SYNDIG1L: variants seen among roughly 807,000 people sequenced by gnomAD.
SYNDIG1L encodes synapse differentiation inducing 1 like, also known as synapse differentiation-inducing gene protein 1-like.
In SYNDIG1L, 13 loss-of-function variants were observed where a neutral mutation model predicts 20.1. That is an observed-to-expected ratio of 0.65 (90% CI 0.42 to 1.03). The LOEUF is 1.03. Ranked by LOEUF, SYNDIG1L falls within the 50% of genes least tolerant of loss-of-function variation. The pLI is 0.00. For missense variants in SYNDIG1L, 294 were observed against 305.1 expected (o/e 0.96, Z 0.27); for synonymous variants, 128 against 129.3 (o/e 0.99, Z 0.07).
At chr14:74,460,389 TCACTCTACTGTAGGCCCCCATTCCA>T in the SYNDIG1L span, among the ~76,000 whole-genome samples, 1 of 152,096 alleles carries the variant, frequency 6.6e-6, no homozygotes, top group African/African-American at 2.4e-5. Flanking sequence ...ACCAGCTTGG[TCACTCTACTGTAGGCCCCCATTCCA>T]CAGCCACCTC....
At chr14:74,416,995 G>A (rs891949192) in intron 1 of SYNDIG1L, among the ~76,000 whole-genome samples, 2 of 152,188 alleles carry the variant, frequency 1.3e-5, no homozygotes, top group South Asian at 2.1e-4. Flanking sequence ...TCAGAATCAC[G>A]GTACCCTAAT....
the SYNDIG1L span, among the ~76,000 whole-genome samples, chr14:74,472,658 G>A: frequency 6.6e-6 from 1 of 152,218 alleles, no homozygotes. Flanking sequence ...TGTATAGCAA[G>A]GTGTTTGATC....
At chr14:74,471,078 A>G in the SYNDIG1L span, among the ~76,000 whole-genome samples, 1 of 152,220 alleles carries the variant, frequency 6.6e-6, no homozygotes, top group Non-Finnish European at 1.5e-5. Context: ...GAGAAACTAG[A>G]GAATAATTTC....
At position 74,413,398 on chromosome 14, in the gene SYNDIG1L, C is replaced by T. The variant is rs2086148034; in HGVS notation, c.-57-3597G>A. On this transcript the variant is annotated intron_variant, in intron 1 of 3. Coordinates refer to ENST00000331628, the MANE Select transcript of SYNDIG1L (RefSeq NM_001105579.2). ...GTTAAATAAATTACTGTGCACAATA[C>T]AGTTGTACGAGGCCTTCAAACAGGT... Among the ~76,000 whole-genome samples, 3 of 152,190 alleles carry T rather than the reference C, an allele frequency of 2.0e-5. 1 individual carries two copies. Among genetic ancestry groups the T allele is most frequent in the Admixed American group, 2.0e-4 (3 of 15,288 alleles).
chr14:74,426,472 C>T (rs374406621), upstream of SYNDIG1L, among the ~76,000 whole-genome samples: 181 of 152,278 alleles, frequency 1.2e-3, 1 homozygote, highest in South Asian at 7.3e-3. Flanking sequence ...CTCCCGCGCA[C>T]CCCAGAGCGA....
intron 1 of SYNDIG1L, among the ~76,000 whole-genome samples, chr14:74,413,846 G>A (rs1457490173): frequency 6.6e-6 from 1 of 151,970 alleles, no homozygotes; most frequent in East Asian, 1.9e-4. Context: ...AGCAATCTGA[G>A]TTAGCAGCAG....
At chr14:74,477,002 G>A in the SYNDIG1L span, among the ~76,000 whole-genome samples, 1 of 148,540 alleles carries the variant, frequency 6.7e-6, no homozygotes, top group African/African-American at 2.5e-5. Context: ...TTTCTACTTT[G>A]GGTCACTCAA....
intron 1 of SYNDIG1L, among the ~76,000 whole-genome samples, chr14:74,414,728 G>A (rs534753511): frequency 6.6e-6 from 1 of 152,268 alleles, no homozygotes; most frequent in South Asian, 2.1e-4. Flanking sequence ...TTGACCATGT[G>A]CCGGGAACTG....
At chr14:74,478,951 C>T in the SYNDIG1L span, among the ~76,000 whole-genome samples, 1 of 152,124 alleles carries the variant, frequency 6.6e-6, no homozygotes, top group Non-Finnish European at 1.5e-5. Context: ...TTCAAGATCA[C>T]ACTGGTAGTC....
At chr14:74,418,033 G>C (rs2086190916) in intron 1 of SYNDIG1L, among the ~76,000 whole-genome samples, 1 of 152,150 alleles carries the variant, frequency 6.6e-6, no homozygotes, top group South Asian at 2.1e-4. Context: ...TTCCTAATCG[G>C]GCAGAAGATT....
At position 74,407,770 on chromosome 14, in the gene SYNDIG1L, C is replaced by T. The variant is rs1175473336; in HGVS notation, c.559-77G>A. The T allele has an allele frequency of 8.2e-6, 13 of 1,576,166 alleles. No homozygotes were observed. In the African/African-American group the frequency reaches 1.3e-4, roughly 16 times the overall value. On this transcript the variant is annotated intron_variant, in intron 3 of 3. Transcript: ENST00000331628. ...CAGCCCAGCCTGCCAGGCCCCTGAC[C>T]CCATCCTGCAGACGGGATGCCAAGC...
At chr14:74,467,227 A>C in the SYNDIG1L span, among the ~76,000 whole-genome samples, 1 of 152,114 alleles carries the variant, frequency 6.6e-6, no homozygotes, top group Non-Finnish European at 1.5e-5. Flanking sequence ...TTGGCCTCCC[A>C]AAGTGCTGGG....
chr14:74,465,037 C>T, the SYNDIG1L span, among the ~76,000 whole-genome samples: 1 of 152,218 alleles, frequency 6.6e-6, no homozygotes. Flanking sequence ...CCTGCCTCCA[C>T]TGGCTCTCCA....
chr14:74,426,591 T>G (rs1595201219), upstream of SYNDIG1L, among the ~76,000 whole-genome samples: 1 of 152,310 alleles, frequency 6.6e-6, no homozygotes, highest in Non-Finnish European at 1.5e-5. Flanking sequence ...CAGAAAGCAT[T>G]TATTGAGCAC....
chr14:74,445,559 C>T, the SYNDIG1L span, among the ~76,000 whole-genome samples: 2 of 152,128 alleles, frequency 1.3e-5, no homozygotes, highest in African/African-American at 4.8e-5. Context: ...ACTGCAACCT[C>T]TGCCTCCTGG....
In SYNDIG1L at chr14:74,406,554, A is replaced by G. The variant is rs1333780164; in HGVS notation, c.*981T>C. On this transcript the variant is annotated 3_prime_UTR_variant, in exon 4 of 4. Transcript: ENST00000331628. ...GAAGCCTTCCTAAGCACCGCTGACT[A>G]CTCAGCAGGCCATTCCTTCCCTGAG... The G allele has an allele frequency of 6.5e-6, 1 of 152,992 alleles. No individual in the cohort carries two copies. The highest frequency in any genetic ancestry group is 2.4e-5 in the African/African-American group (1 of 41,458). 9.5% of individuals were successfully genotyped at this position (152,992 alleles called of 1,614,324 possible).
the SYNDIG1L span, among the ~76,000 whole-genome samples, chr14:74,443,302 C>T: frequency 2.6e-5 from 4 of 152,154 alleles, no homozygotes; most frequent in African/African-American, 9.7e-5. Context: ...AGGGAGTGCT[C>T]AGTTGTGTGG....
intron 1 of SYNDIG1L, among the ~76,000 whole-genome samples, chr14:74,413,122 G>A (rs2086145601): frequency 6.6e-6 from 1 of 152,190 alleles, no homozygotes; most frequent in South Asian, 2.1e-4. Flanking sequence ...GCAGGCAGGG[G>A]CAGCTGAATC....
intron 1 of SYNDIG1L, among the ~76,000 whole-genome samples, chr14:74,412,684 A>G (rs982325410): frequency 6.6e-6 from 1 of 152,162 alleles, no homozygotes; most frequent in Non-Finnish European, 1.5e-5. Context: ...AAAGGAGAGC[A>G]AGGCATCAGT....
Sources: gnomAD v4.1 joint callset for allele counts (sites outside exome capture counted in the v4.1 genomes callset) on GRCh38, gnomAD v4.1.1 for gene constraint, MANE v1.5 for transcripts, NCBI Gene and HGNC (gene_info 2026-07-23, HGNC 2026-07-21) for gene names.